RNF217: variants seen among roughly 807,000 people sequenced by gnomAD.
RNF217 encodes ring finger protein 217.
RNF217 carries 31 observed loss-of-function variants against 57.8 expected under a neutral mutation model. The observed-to-expected ratio is 0.54, with a 90% CI of 0.40 to 0.72. The LOEUF (loss-of-function observed/expected upper bound fraction) is 0.72, where lower values mean the gene tolerates loss of function less well. Ranked by LOEUF, RNF217 falls within the 30% of genes least tolerant of loss-of-function variation. The probability of loss-of-function intolerance (pLI) is 0.00; values close to 1 mark genes in which losing one functional copy is unlikely to be tolerated. For missense variants in RNF217, 696 were observed against 708.3 expected (o/e 0.98, Z 0.20); for synonymous variants, 313 against 294.0 (o/e 1.06, Z -0.66).
chr6:125,092,232 G>A lies in RNF217; in HGVS notation c.*9295G>A, dbSNP rs1788975704. On this transcript the variant is annotated 3_prime_UTR_variant, in exon 6 of 6. Transcript: ENST00000521654. ...GTACTGTTCCTTCTCAGTAAGTACA[G>A]TGTCACATGCTGCTGGCGGTAAAAG... 3 of 152,080 alleles carry A rather than the reference G, an allele frequency of 2.0e-5. No homozygotes were observed. The highest frequency in any genetic ancestry group is 7.2e-5 in the African/African-American group (3 of 41,424). The allele number at this position is 152,080 out of a possible 1,614,324, so 9.4% of individuals were successfully genotyped here. A position where few individuals can be genotyped will look rare whatever the true frequency, so the allele number is the denominator to read the frequency against.
chr6:124,971,660 T>C (rs1375289646), intron 1 of RNF217: 1 of 168,288 alleles, frequency 5.9e-6, no homozygotes, highest in Non-Finnish European at 1.3e-5. Flanking sequence ...TTCACCATGT[T>C]GGCCAGGATG....
chr6:124,966,269 G>C (rs1783536390), intron 1 of RNF217, among the ~76,000 whole-genome samples: 1 of 152,158 alleles, frequency 6.6e-6, no homozygotes, highest in Non-Finnish European at 1.5e-5. Context: ...CAAAGGTTGT[G>C]TTTCTCTGTC....
At chr6:124,991,423 C>T (rs545367833) in intron 1 of RNF217, among the ~76,000 whole-genome samples, 2 of 152,298 alleles carry the variant, frequency 1.3e-5, no homozygotes, top group East Asian at 3.9e-4. Flanking sequence ...TGTATACATG[C>T]TACCAACCCT....
intron 2 of RNF217, among the ~76,000 whole-genome samples, chr6:125,051,762 T>G (rs895287948): frequency 2.6e-5 from 4 of 152,098 alleles, no homozygotes. Flanking sequence ...TTTATGTGGG[T>G]ACCTCTTGTG....
intron 1 of RNF217, among the ~76,000 whole-genome samples, chr6:124,972,927 A>G (rs1259831149): frequency 1.3e-5 from 2 of 152,146 alleles, no homozygotes; most frequent in East Asian, 1.9e-4. Flanking sequence ...CTTCCATTAG[A>G]CTACAAAGCT....
chr6:125,037,683 A>C (rs766965003), intron 1 of RNF217, among the ~76,000 whole-genome samples: 12 of 152,134 alleles, frequency 7.9e-5, no homozygotes, highest in Non-Finnish European at 1.5e-4. Flanking sequence ...CTGATGGTGC[A>C]CCTCAAAGTA....
rs62431249 is a variant in RNF217 at position 124,971,327 on chromosome 6, G to A, written c.882+7901G>A. The A allele has an allele frequency of 4.2e-3, 672 of 159,336 alleles. 4 individuals carry two copies. The highest frequency in any genetic ancestry group is 7.5e-3 in the Non-Finnish European group (538 of 71,786). The allele number at this position is 159,336 out of a possible 1,614,324, so 9.9% of individuals were successfully genotyped here. On this transcript the variant is annotated intron_variant, in intron 1 of 5. Transcript: ENST00000521654. ...ACTTAATTACATGTTTTGAGGAAGC[G>A]AAAGGCTGCCACTCAAACTTAGGTC... is the stretch of plus-strand genomic sequence containing the variant.
intron 2 of RNF217, among the ~76,000 whole-genome samples, chr6:125,054,218 G>T (rs1449567444): frequency 6.6e-6 from 1 of 152,116 alleles, no homozygotes; most frequent in East Asian, 1.9e-4. Context: ...CTTGAAGAAA[G>T]GAGCATTTGA....
intron 2 of RNF217, among the ~76,000 whole-genome samples, chr6:125,051,531 T>C (rs1787318026): frequency 6.6e-6 from 1 of 152,072 alleles, no homozygotes; most frequent in Non-Finnish European, 1.5e-5. Flanking sequence ...ACGGATCCCC[T>C]CTACAATATG....
chr6:124,962,693 C>G lies in RNF217; in HGVS notation c.149C>G (p.Pro50Arg). Reference sequence around the variant, plus strand: ...CCGCTGCGCGCCGCCTCCGCGGAGCCGAGCGGCGGTGGCTGCGGAAGCGAC... The same window carrying G: ...CCGCTGCGCGCCGCCTCCGCGGAGCGGAGCGGCGGTGGCTGCGGAAGCGAC... Reference protein sequence around the residue: ...APPLRAASAEPSGGGCGSDWG... With the variant: ...APPLRAASAERSGGGCGSDWG... The change falls in exon 1 of 6, where the codon CCG becomes CGG. Residue 50 changes from proline (P) to arginine (R), a missense_variant. This residue lies in a region of RNF217 where 465 missense variants were observed against 386.8 expected (regional missense o/e 1.20). Transcript: ENST00000521654. This position sits in a 1 kb window ranked among gnomAD's most constrained non-coding sequence, Gnocchi z 4.6. 3 of 1,383,262 alleles carry G rather than the reference C, an allele frequency of 2.2e-6. No homozygotes were observed. Among genetic ancestry groups the G allele is most frequent in the Admixed American group, 3.7e-5 (1 of 26,932 alleles). 85.7% of individuals were successfully genotyped at this position (1,383,262 alleles called of 1,614,324 possible). A position where few individuals can be genotyped will look rare whatever the true frequency, so the allele number is the denominator to read the frequency against.
chr6:125,033,805 C>T (rs1448756170), intron 1 of RNF217, among the ~76,000 whole-genome samples: 4 of 151,982 alleles, frequency 2.6e-5, no homozygotes, highest in Non-Finnish European at 5.9e-5. Flanking sequence ...GTTTACAGTC[C>T]CACCAACTGT....
At chr6:125,003,679 T>C (rs531415660) in intron 1 of RNF217, among the ~76,000 whole-genome samples, 1 of 152,280 alleles carries the variant, frequency 6.6e-6, no homozygotes, top group African/African-American at 2.4e-5. Context: ...TATTAAAATA[T>C]CACATTATAC....
Position 125,091,479 on chromosome 6 carries a change from T to C in RNF217, c.*8542T>C, listed in dbSNP as rs899752224. Reference sequence around the variant, plus strand: ...TGCTACCTTAATCTACTGTATTATCTCTAAAACAGGTTAGCCAATGTATTT... The same window carrying C: ...TGCTACCTTAATCTACTGTATTATCCCTAAAACAGGTTAGCCAATGTATTT... On this transcript the variant is annotated 3_prime_UTR_variant, in exon 6 of 6. Transcript: ENST00000521654. 2.0e-5 allele frequency: 3 copies of C among 152,138 alleles called. No homozygotes were observed. The highest frequency in any genetic ancestry group is 6.6e-5 in the Admixed American group (1 of 15,266). 9.4% of individuals were successfully genotyped at this position (152,138 alleles called of 1,614,324 possible).
Position 124,962,838 on chromosome 6 carries a change from C to G in RNF217, c.294C>G (p.Pro98=), listed in dbSNP as rs1326404051. The G allele has an allele frequency of 6.3e-6, 10 of 1,597,964 alleles. No individual in the cohort carries two copies. The highest frequency in any genetic ancestry group is 8.5e-6 in the Non-Finnish European group (10 of 1,179,646). ...AGLALTGPLN[P]QTLPLQLELE... Reference sequence around the variant, plus strand: ...TGGCACTCACCGGGCCTCTCAATCCCCAGACCTTGCCACTGCAGTTGGAGC... The same window carrying G: ...TGGCACTCACCGGGCCTCTCAATCCGCAGACCTTGCCACTGCAGTTGGAGC... The change falls in exon 1 of 6, where the codon CCC becomes CCG. Residue 98 remains proline, a synonymous_variant. Coordinates refer to ENST00000521654, the MANE Select transcript of RNF217 (RefSeq NM_001286398.3). The surrounding 1 kb of genome is among the most constrained non-coding windows in gnomAD (Gnocchi z 4.6).
chr6:125,002,482 G>A (rs9491275), intron 1 of RNF217, among the ~76,000 whole-genome samples: 1 of 151,950 alleles, frequency 6.6e-6, no homozygotes, highest in African/African-American at 2.4e-5. Flanking sequence ...AGAATTGCTT[G>A]CTTCTCTATG....
chr6:125,035,373 C>T (rs1302638265), intron 1 of RNF217, among the ~76,000 whole-genome samples: 1 of 152,048 alleles, frequency 6.6e-6, no homozygotes, highest in Non-Finnish European at 1.5e-5. Context: ...ACTCTACAAG[C>T]CAGAAGAGAG....
Position 125,082,956 on chromosome 6 carries a change from C to G in RNF217, c.*19C>G. 6.4e-7 allele frequency: 1 copy of G among 1,572,258 alleles called. No individual in the cohort carries two copies. On this transcript the variant is annotated 3_prime_UTR_variant, in exon 6 of 6. Transcript: ENST00000521654. ...CTGGTAACATGCAGATGATTTCATC[C>G]AGCTAAGCTGGTTGGAGTAGGAGCG...
intron 1 of RNF217, among the ~76,000 whole-genome samples, chr6:124,972,322 T>C (rs1783794413): frequency 6.6e-6 from 1 of 152,164 alleles, no homozygotes; most frequent in Non-Finnish European, 1.5e-5. Flanking sequence ...CTCAGGCCTC[T>C]ACCATTTCTC....
intron 1 of RNF217, among the ~76,000 whole-genome samples, chr6:124,968,719 A>AT (rs1234329528): frequency 1.3e-5 from 2 of 152,156 alleles, no homozygotes; most frequent in African/African-American, 4.8e-5. Flanking sequence ...TTAGAGTGTG[A>AT]TTTTTCCCTC....
Sources: gnomAD v4.1 joint callset for allele counts (sites outside exome capture counted in the v4.1 genomes callset) on GRCh38, gnomAD v4.1.1 for gene constraint, gnomAD v4.1.1 regional missense constraint, Gnocchi (gnomAD v3.1) non-coding constraint, MANE v1.5 for transcripts, NCBI Gene and HGNC (gene_info 2026-07-23, HGNC 2026-07-21) for gene names.